Variants in ABHD14A observed in about 807,000 individuals in gnomAD.
The protein encoded by ABHD14A is protein ABHD14A.
ABHD14A carries 19 observed loss-of-function variants against 27.0 expected under a neutral mutation model. That is an observed-to-expected ratio of 0.70 (90% CI 0.49 to 1.03). The LOEUF (loss-of-function observed/expected upper bound fraction) is 1.03, where lower values mean the gene tolerates loss of function less well. Ranked by LOEUF, ABHD14A falls within the 50% of genes least tolerant of loss-of-function variation. The pLI is 0.00. For synonymous variants in ABHD14A, 148 were observed against 158.8 expected, an observed-to-expected ratio of 0.93 and a Z score of 0.51; for missense variants, 311 against 344.6, an observed-to-expected ratio of 0.90 and a Z score of 0.77.
At chr3:51,977,641 G>A (rs1375925621) in intron 1 of ABHD14A, among the ~76,000 whole-genome samples, 1 of 152,236 alleles carries the variant, frequency 6.6e-6, no homozygotes, top group Non-Finnish European at 1.5e-5. Context: ...CATGCTGTGT[G>A]CCAGAGAACA....
chr3:51,977,471 A>C (rs1319214404), intron 1 of ABHD14A, among the ~76,000 whole-genome samples: 1 of 151,906 alleles, frequency 6.6e-6, no homozygotes, highest in Non-Finnish European at 1.5e-5. Flanking sequence ...CTGAGCCTCC[A>C]TTTCCTCACC....
intron 1 of ABHD14A, among the ~76,000 whole-genome samples, chr3:51,976,166 T>C (rs1700784519): frequency 6.6e-6 from 1 of 151,646 alleles, no homozygotes; most frequent in Non-Finnish European, 1.5e-5. Flanking sequence ...AGGTTGTTAG[T>C]GGTCTGGAAG....
In ABHD14A at chr3:51,978,226, T is replaced by G. The variant is rs1421863685; in HGVS notation, c.282-33T>G. ...TAAAGAAAGGTGGGCTACACCAGGT[T>G]CCCAGCAAACACATTCCCCTGTGTG... On this transcript the variant is annotated intron_variant, in intron 2 of 4. Coordinates refer to ENST00000273596, the MANE Select transcript of ABHD14A (RefSeq NM_015407.5). The G allele has an allele frequency of 4.5e-6, 7 of 1,539,338 alleles. No homozygotes were observed. The Admixed American group carries it at 1.4e-4, about 30-fold the overall frequency.
Position 51,978,328 on chromosome 3 carries a change from G to T in ABHD14A, c.351G>T (p.Gln117His). ...SHTWEQLGTLQLLSQRGYRAV... is the reference protein window; with the variant it reads ...SHTWEQLGTLHLLSQRGYRAV... ...CGTGGGAGCAGCTGGGCACACTGCA[G>T]CTACTGTCACAGAGGGGCTACCGGG... Residue 117 changes from glutamine to histidine, a missense_variant, in exon 3 of 5, where the codon CAG becomes CAT. Physicochemically the swap from Gln to His is conservative, Grantham distance 24 (BLOSUM62 0). Transcript: ENST00000273596. 2 of 1,551,812 alleles carry T rather than the reference G, an allele frequency of 1.3e-6. No homozygotes were observed. The highest frequency in any genetic ancestry group is 1.7e-6 in the Non-Finnish European group (2 of 1,147,012).
At chr3:51,975,464 G>C (rs988555773) in intron 1 of ABHD14A, among the ~76,000 whole-genome samples, 1 of 142,518 alleles carries the variant, frequency 7.0e-6, no homozygotes, top group African/African-American at 2.6e-5. Flanking sequence ...TTGGGGGGGG[G>C]GTGTGTTCGT....
chr3:51,979,042 C>T lies in ABHD14A; in HGVS notation c.397+668C>T, dbSNP rs138328075. On this transcript the variant is annotated intron_variant, in intron 3 of 4. Coordinates refer to ENST00000273596, the MANE Select transcript of ABHD14A (RefSeq NM_015407.5). Reference sequence around the variant, plus strand: ...TAAAAAATAGCAAAGCTCTGAGAGACTGGTGCCGCATTTCTCTCCCTCTCT... The same window carrying T: ...TAAAAAATAGCAAAGCTCTGAGAGATTGGTGCCGCATTTCTCTCCCTCTCT... 4.1e-3 allele frequency: 833 copies of T among 205,358 alleles called. 6 individuals carry two copies. Among genetic ancestry groups the T allele is most frequent in the African/African-American group, 0.018 (773 of 42,570 alleles). The allele number at this position is 205,358 out of a possible 1,614,324, so 12.7% of individuals were successfully genotyped here. A position where few individuals can be genotyped will look rare whatever the true frequency, so the allele number is the denominator to read the frequency against.
intron 1 of ABHD14A, among the ~76,000 whole-genome samples, chr3:51,975,455 TG>T (rs111955253): frequency 0.045 from 3,913 of 87,620 alleles, 177 homozygotes; most frequent in African/African-American, 0.13. Context: ...CTTATATTTT[TG>T]GGGGGGGGGT....
chr3:51,978,260 G>A lies in ABHD14A; in HGVS notation c.283G>A (p.Val95Met), dbSNP rs756373782. 2.6e-6 allele frequency: 4 copies of A among 1,550,394 alleles called. No individual in the cohort carries two copies. The highest frequency in any genetic ancestry group is 2.4e-5 in the East Asian group (1 of 40,874). Residue 95 changes from valine (V) to methionine (M), a missense_variant and splice_region_variant, in exon 3 of 5, where the codon GTG (valine) becomes ATG (methionine). By Grantham distance (21) the Val-to-Met change is conservative. Transcript: ENST00000273596. ...ACACATTCCCCTGTGTGCCTGCAGG[G>A]TGGAGGTGGTGCTGCTTCATGGAAA... ...EVLPLNQAHR[V>M]EVVLLHGKAF...
chr3:51,980,897 A>G lies in ABHD14A; in HGVS notation c.695A>G (p.Gln232Arg), dbSNP rs1215688743. The G allele has an allele frequency of 1.9e-6, 3 of 1,614,114 alleles. No individual in the cohort carries two copies. Among genetic ancestry groups the G allele is most frequent in the Non-Finnish European group, 1.7e-6 (2 of 1,180,026 alleles). Residue 232 changes from glutamine to arginine, a missense_variant, in exon 5 of 5, where the codon CAG becomes CGG. Transcript: ENST00000273596. ...DHILARESLR[Q>R]LRHLPNHSVV... ...ATCCTGGCTCGAGAGTCACTGCGGC[A>G]GCTCCGCCACCTGCCCAACCACTCT...
Position 51,980,202 on chromosome 3 carries a change from G to A in ABHD14A, c.398-191G>A, listed in dbSNP as rs539395292. On this transcript the variant is annotated intron_variant, in intron 3 of 4. Transcript: ENST00000273596. Reference sequence around the variant, plus strand: ...CTCCCAAAGTGCTGGGATTACAGGCGTGAGCCACCACTCTCGGCCAAGATA... The same window carrying A: ...CTCCCAAAGTGCTGGGATTACAGGCATGAGCCACCACTCTCGGCCAAGATA... 3.5e-3 allele frequency: 2,452 copies of A among 694,026 alleles called. 26 individuals are homozygous for A. The highest frequency in any genetic ancestry group is 0.016 in the South Asian group (1,080 of 66,664). 43.0% of individuals were successfully genotyped at this position (694,026 alleles called of 1,614,324 possible).
At chr3:51,976,190 G>A (rs1361677416) in intron 1 of ABHD14A, among the ~76,000 whole-genome samples, 1 of 152,256 alleles carries the variant, frequency 6.6e-6, no homozygotes, top group Non-Finnish European at 1.5e-5. Flanking sequence ...AGAGGAACGC[G>A]CTCTTCCTCC....
chr3:51,975,276 G>A, intron 1 of ABHD14A, 72 bp downstream of exon 1: 4 of 1,215,184 alleles, frequency 3.3e-6, no homozygotes, highest in Non-Finnish European at 4.1e-6. Flanking sequence ...CCCTTGCCCC[G>A]GCGCCCCGGG....
At chr3:51,977,636 T>C (rs1700813073) in intron 1 of ABHD14A, among the ~76,000 whole-genome samples, 3 of 152,240 alleles carry the variant, frequency 2.0e-5, no homozygotes, top group Admixed American at 2.0e-4. Context: ...CTGAGCATGC[T>C]GTGTGCCAGA....
chr3:51,976,603 A>T (rs1700792966), intron 1 of ABHD14A, among the ~76,000 whole-genome samples: 1 of 152,176 alleles, frequency 6.6e-6, no homozygotes, highest in African/African-American at 2.4e-5. Context: ...TGAACCCGGG[A>T]GGCGGAGGTT....
chr3:51,980,468 G>A lies in ABHD14A; in HGVS notation c.473G>A (p.Arg158Gln), dbSNP rs765923290. Residue 158 changes from arginine (R) to glutamine (Q), a missense_variant, in exon 4 of 5, where the codon CGG becomes CAG. By Grantham distance (43) the Arg-to-Gln change is conservative. Coordinates refer to ENST00000273596, the MANE Select transcript of ABHD14A (RefSeq NM_015407.5). ...GCAGCGCTGCTGGAGCGGGCGCTGC[G>A]GGACCTGGAGGTACAGAATGCCGTG... ...GRAALLERAL[R>Q]DLEVQNAVLV... The A allele has an allele frequency of 7.4e-6, 12 of 1,613,618 alleles. No individual in the cohort carries two copies. The highest frequency in any genetic ancestry group is 5.0e-5 in the Admixed American group (3 of 60,006).
intron 3 of ABHD14A, 121 bp downstream of exon 3, chr3:51,978,495 T>C (rs1462400158): frequency 1.6e-6 from 1 of 617,730 alleles, no homozygotes; most frequent in Non-Finnish European, 2.7e-6. Flanking sequence ...AAAAAGTCTG[T>C]GTTTTCATTT....
chr3:51,975,068 G>A lies in ABHD14A; in HGVS notation c.-68G>A, dbSNP rs1282607967. The A allele has an allele frequency of 8.6e-5, 109 of 1,265,982 alleles. No homozygotes were observed. The highest frequency in any genetic ancestry group is 1.1e-4 in the Non-Finnish European group (107 of 1,005,064). 78.4% of individuals were successfully genotyped at this position (1,265,982 alleles called of 1,614,324 possible). A position where few individuals can be genotyped will look rare whatever the true frequency, so the allele number is the denominator to read the frequency against. On this transcript the variant is annotated 5_prime_UTR_variant, in exon 1 of 5. Transcript: ENST00000273596. The stretch of plus-strand genomic sequence containing the variant: ...AGGCCCGCGGCTGCGGAGTGCGCAG[G>A]CGCGCCGAGATGGCCGCGCTCCTGG...
Position 51,980,438 on chromosome 3 carries a change from G to A in ABHD14A, c.443G>A (p.Gly148Glu), listed in dbSNP as rs1186664165. The A allele has an allele frequency of 6.2e-7, 1 of 1,613,354 alleles. No individual in the cohort carries two copies. Among genetic ancestry groups the A allele is most frequent in the African/African-American group, 1.3e-5 (1 of 74,948 alleles). Residue 148 changes from glycine (G) to glutamate (E), a missense_variant, in exon 4 of 5, where the codon GGG becomes GAG. Gly to Glu is a moderately conservative substitution (Grantham distance 98). Coordinates refer to ENST00000273596, the MANE Select transcript of ABHD14A (RefSeq NM_015407.5). ...TCAAAGGAGGCAAGCACAGAGGCAG[G>A]GCGGGCAGCGCTGCTGGAGCGGGCG... is the stretch of plus-strand genomic sequence containing the variant. ...APSKEASTEA[G>E]RAALLERALR...
chr3:51,978,117 A>G (rs1700827900), intron 2 of ABHD14A, 35 bp downstream of exon 2: 6 of 1,596,460 alleles, frequency 3.8e-6, no homozygotes, highest in Non-Finnish European at 5.1e-6. Context: ...TGGAGGGACT[A>G]GGCTCAAGGG....
Sources: allele counts gnomAD v4.1 joint callset (sites outside exome capture counted in the v4.1 genomes callset), GRCh38; gene constraint gnomAD v4.1.1; transcripts MANE v1.5; gene names NCBI Gene and HGNC (gene_info 2026-07-23, HGNC 2026-07-21).